FCHSD2: variants seen among roughly 807,000 people sequenced by gnomAD.
The protein encoded by FCHSD2 is F-BAR and double SH3 domains protein 2.
In FCHSD2, 38 loss-of-function variants were observed where a neutral mutation model predicts 108.1. That is an observed-to-expected ratio of 0.35 (90% CI 0.27 to 0.46). FCHSD2 has a LOEUF of 0.46. FCHSD2 is among the 20% of genes least tolerant of loss of function. The pLI, the probability that FCHSD2 is intolerant of heterozygous loss-of-function variation, is 1.00. For missense variants in FCHSD2, 751 were observed against 897.8 expected (o/e 0.84, Z 2.09); for synonymous variants, 279 against 314.7 (o/e 0.89, Z 1.20).
chr11:73,037,514 C>T (rs1858527439), intron 3 of FCHSD2, among the ~76,000 whole-genome samples: 1 of 152,006 alleles, frequency 6.6e-6, no homozygotes, highest in African/African-American at 2.4e-5. Flanking sequence ...TTATTTTTTG[C>T]CTCTGAGTTT....
chr11:72,979,690 T>C (rs753937935), intron 8 of FCHSD2, among the ~76,000 whole-genome samples: 2 of 152,128 alleles, frequency 1.3e-5, no homozygotes, highest in Non-Finnish European at 2.9e-5. Flanking sequence ...CTCAAAAAAC[T>C]TACTTCCCAT....
intron 3 of FCHSD2, among the ~76,000 whole-genome samples, chr11:73,049,684 TAAAAAAA>T (rs557262661): frequency 5.3e-5 from 4 of 75,674 alleles, no homozygotes; most frequent in African/African-American, 1.5e-4. Flanking sequence ...TAGAGTATAA[TAAAAAAA>T]AAAAAAAAAA....
chr11:73,117,006 T>C (rs1860620195), intron 2 of FCHSD2, among the ~76,000 whole-genome samples: 1 of 152,210 alleles, frequency 6.6e-6, no homozygotes, highest in East Asian at 1.9e-4. Context: ...TTGATTTTTA[T>C]TACTCCTTTT....
chr11:72,923,561 A>G (rs1856015328), intron 8 of FCHSD2, among the ~76,000 whole-genome samples: 1 of 152,110 alleles, frequency 6.6e-6, no homozygotes, highest in Non-Finnish European at 1.5e-5. Flanking sequence ...TCTAATGACT[A>G]TGTTGAGCAA....
intron 9 of FCHSD2, among the ~76,000 whole-genome samples, chr11:72,920,605 G>A (rs896147585): frequency 6.6e-6 from 1 of 151,980 alleles, no homozygotes; most frequent in Non-Finnish European, 1.5e-5. Context: ...CAACAAAATT[G>A]TTCACTCAAA....
At chr11:73,034,355 T>C (rs1391769008) in intron 3 of FCHSD2, among the ~76,000 whole-genome samples, 2 of 152,256 alleles carry the variant, frequency 1.3e-5, no homozygotes, top group African/African-American at 2.4e-5. Flanking sequence ...GAAATTCTCA[T>C]GTAGCCTGTC....
chr11:73,017,180 C>T (rs1591485247), intron 3 of FCHSD2, among the ~76,000 whole-genome samples: 1 of 152,104 alleles, frequency 6.6e-6, no homozygotes. Flanking sequence ...CACAGTGTTT[C>T]GCCATGTTGC....
intron 11 of FCHSD2, among the ~76,000 whole-genome samples, chr11:72,889,001 T>C (rs1245426414): frequency 6.6e-6 from 1 of 151,918 alleles, no homozygotes; most frequent in Non-Finnish European, 1.5e-5. Context: ...GTCGCCCAGG[T>C]TGGAGTGCAG....
intron 2 of FCHSD2, among the ~76,000 whole-genome samples, chr11:73,116,454 A>G (rs1860603129): frequency 6.6e-6 from 1 of 152,186 alleles, no homozygotes; most frequent in Non-Finnish European, 1.5e-5. Context: ...TAAAATAAGT[A>G]TTATCTGACT....
intron 12 of FCHSD2, among the ~76,000 whole-genome samples, chr11:72,869,091 G>C (rs1854793996): frequency 6.6e-6 from 1 of 151,956 alleles, no homozygotes. Flanking sequence ...ATTTTTAGTA[G>C]AGGCGGGGTT....
Position 72,985,085 on chromosome 11 carries a change from T to C in FCHSD2, c.553A>G (p.Ser185Gly). 7.9e-7 allele frequency: 1 copy of C among 1,267,138 alleles called. No individual in the cohort carries two copies. Among genetic ancestry groups the C allele is most frequent in the Non-Finnish European group, 1.1e-6 (1 of 891,978 alleles). 78.5% of individuals were successfully genotyped at this position (1,267,138 alleles called of 1,614,324 possible). A position where few individuals can be genotyped will look rare whatever the true frequency, so the allele number is the denominator to read the frequency against. ...SKLSLFQSRI[S>G]LQKASVKLKA... Reference sequence around the variant, plus strand: ...ACCTTTACACTTGCCTTCTGTAAACTGATTCTTGATTGAAAAAGACTAAGT... The same window carrying C: ...ACCTTTACACTTGCCTTCTGTAAACCGATTCTTGATTGAAAAAGACTAAGT... Residue 185 changes from serine to glycine, a missense_variant, in exon 7 of 20, where the codon AGT (serine) becomes GGT (glycine). Ser to Gly is a moderately conservative substitution (Grantham distance 56). Transcript: ENST00000409418.
At chr11:72,945,587 G>T (rs978405278) in intron 8 of FCHSD2, among the ~76,000 whole-genome samples, 3 of 152,108 alleles carry the variant, frequency 2.0e-5, no homozygotes, top group African/African-American at 7.2e-5. Flanking sequence ...CACAGCAAAA[G>T]GAACTACCAT....
chr11:72,917,703 T>C (rs1469514830), intron 9 of FCHSD2, among the ~76,000 whole-genome samples: 2 of 152,118 alleles, frequency 1.3e-5, no homozygotes, highest in African/African-American at 4.8e-5. Context: ...CTGGCTAACA[T>C]GACGAAACCC....
intron 2 of FCHSD2, among the ~76,000 whole-genome samples, chr11:73,095,902 C>T (rs1267032143): frequency 6.6e-6 from 1 of 150,758 alleles, no homozygotes; most frequent in Non-Finnish European, 1.5e-5. Flanking sequence ...CACTGACTGG[C>T]TGAGGATTAA....
intron 9 of FCHSD2, among the ~76,000 whole-genome samples, chr11:72,920,411 A>G (rs1855955678): frequency 6.6e-6 from 1 of 152,220 alleles, no homozygotes; most frequent in African/African-American, 2.4e-5. Flanking sequence ...ATACTGAAAA[A>G]GAGACAGAAA....
chr11:73,029,716 T>C (rs1314267550), intron 3 of FCHSD2, among the ~76,000 whole-genome samples: 1 of 152,162 alleles, frequency 6.6e-6, no homozygotes, highest in Non-Finnish European at 1.5e-5. Context: ...GACAGCGTCC[T>C]TTTTCCCTGT....
chr11:73,040,895 C>G (rs182020883), intron 3 of FCHSD2, among the ~76,000 whole-genome samples: 12 of 152,282 alleles, frequency 7.9e-5, no homozygotes, highest in East Asian at 3.9e-4. Flanking sequence ...GCTCCCCCCC[C>G]TCTTTGGTAA....
At chr11:73,031,072 T>C (rs1858349270) in intron 3 of FCHSD2, among the ~76,000 whole-genome samples, 1 of 152,062 alleles carries the variant, frequency 6.6e-6, no homozygotes, top group Admixed American at 6.6e-5. Flanking sequence ...CATGTATGAA[T>C]CTGGATGGGT....
At chr11:72,919,466 A>ACACACTCACAC (rs1435773880) in intron 9 of FCHSD2, among the ~76,000 whole-genome samples, 7 of 152,352 alleles carry the variant, frequency 4.6e-5, no homozygotes, top group Non-Finnish European at 4.4e-5. Context: ...AAGAGAATAT[A>ACACACTCACAC]GTAGAAGATC....
Sources: gnomAD v4.1 joint callset for allele counts (sites outside exome capture counted in the v4.1 genomes callset) on GRCh38, gnomAD v4.1.1 for gene constraint, MANE v1.5 for transcripts, NCBI Gene and HGNC (gene_info 2026-07-23, HGNC 2026-07-21) for gene names.